Variants in REC114 observed in about 807,000 individuals in gnomAD.
The protein encoded by REC114 is REC114 meiotic recombination protein.
Under a neutral mutation model 31.3 loss-of-function variants are expected in REC114, and 27 were observed. That is an observed-to-expected ratio of 0.86 (90% CI 0.64 to 1.19). REC114 has a LOEUF of 1.19. REC114 is among the 50% of genes most tolerant of loss of function. REC114 has a pLI of 0.00. For missense variants in REC114, 344 were observed against 326.9 expected, an observed-to-expected ratio of 1.05 and a Z score of -0.40; for synonymous variants, 134 against 127.7, an observed-to-expected ratio of 1.05 and a Z score of -0.33.
intron 2 of REC114, among the ~76,000 whole-genome samples, chr15:73,539,074 C>T (rs1401729965): frequency 2.1e-5 from 3 of 143,216 alleles, no homozygotes; most frequent in Non-Finnish European, 4.6e-5. Flanking sequence ...TTTGCACTCC[C>T]ACCAGCAATG....
intron 1 of REC114, among the ~76,000 whole-genome samples, chr15:73,448,535 C>G (rs931117267): frequency 6.6e-6 from 1 of 152,170 alleles, no homozygotes; most frequent in Non-Finnish European, 1.5e-5. Context: ...CTCCCTGGGA[C>G]AGAGCACCTG....
chr15:73,515,498 C>T (rs1032153198), intron 2 of REC114, among the ~76,000 whole-genome samples: 15 of 152,030 alleles, frequency 9.9e-5, no homozygotes, highest in African/African-American at 3.6e-4. Flanking sequence ...GTGTCTCTGC[C>T]CATATTCATA....
At chr15:73,504,361 T>G (rs901727299) in intron 2 of REC114, among the ~76,000 whole-genome samples, 1 of 152,174 alleles carries the variant, frequency 6.6e-6, no homozygotes, top group African/African-American at 2.4e-5. Context: ...GGAATTTATC[T>G]TTTTGTATAG....
intron 1 of REC114, among the ~76,000 whole-genome samples, chr15:73,468,252 A>G (rs1167251743): frequency 1.3e-5 from 2 of 152,126 alleles, no homozygotes; most frequent in Non-Finnish European, 2.9e-5. Flanking sequence ...ATTTCTCTCC[A>G]TATATTTAAG....
At chr15:73,547,035 T>C (rs1894318636) in intron 3 of REC114, among the ~76,000 whole-genome samples, 1 of 152,020 alleles carries the variant, frequency 6.6e-6, no homozygotes, top group African/African-American at 2.4e-5. Context: ...CCCACAAGTG[T>C]AGACAACCAA....
At chr15:73,459,974 G>A (rs1458101598) in intron 1 of REC114, among the ~76,000 whole-genome samples, 1 of 152,030 alleles carries the variant, frequency 6.6e-6, no homozygotes, top group East Asian at 1.9e-4. Context: ...TTTTCTTTTG[G>A]TTATGTTTAA....
intron 2 of REC114, among the ~76,000 whole-genome samples, chr15:73,502,764 A>G (rs1893620300): frequency 6.6e-6 from 1 of 152,202 alleles, no homozygotes; most frequent in Non-Finnish European, 1.5e-5. Context: ...AGTAAGTTTT[A>G]GTGCTAAAAT....
intron 3 of REC114, among the ~76,000 whole-genome samples, chr15:73,547,879 G>A (rs1894331853): frequency 6.6e-6 from 1 of 152,130 alleles, no homozygotes; most frequent in South Asian, 2.1e-4. Context: ...AAGATTTCGT[G>A]ACAAAGATGC....
At chr15:73,472,180 C>G (rs1274158744) in intron 1 of REC114, among the ~76,000 whole-genome samples, 2 of 152,112 alleles carry the variant, frequency 1.3e-5, no homozygotes, top group Non-Finnish European at 2.9e-5. Context: ...ATTCATTGAC[C>G]AGACTGTAGT....
At position 73,559,630 on chromosome 15, in the gene REC114, A is replaced by C. The variant is rs79100571; in HGVS notation, c.637-122A>C. The stretch of plus-strand genomic sequence containing the variant: ...GTAAAGGAAGCCTGTAAAGCTAATT[A>C]ACACTAATTTTTTTGGTGTGTATTT... On this transcript the variant is annotated intron_variant, in intron 5 of 5. Coordinates refer to ENST00000331090, the MANE Select transcript of REC114 (RefSeq NM_001042367.2). 8.4e-3 allele frequency: 6,727 copies of C among 796,302 alleles called. 359 individuals are homozygous for C. The African/African-American group carries it at 0.1, about 12-fold the overall frequency. The allele number at this position is 796,302 out of a possible 1,614,324, so 49.3% of individuals were successfully genotyped here.
At chr15:73,547,150 T>A (rs548644702) in intron 3 of REC114, among the ~76,000 whole-genome samples, 31 of 152,218 alleles carry the variant, frequency 2.0e-4, no homozygotes, top group African/African-American at 6.3e-4. Context: ...ACTACCCATA[T>A]AACAAGGGAT....
intron 2 of REC114, among the ~76,000 whole-genome samples, chr15:73,494,294 C>T (rs950384603): frequency 2.0e-5 from 3 of 152,020 alleles, no homozygotes; most frequent in South Asian, 2.1e-4. Context: ...GCCGAGATCT[C>T]GCTACTGCAC....
intron 2 of REC114, among the ~76,000 whole-genome samples, chr15:73,481,922 G>A (rs1433269439): frequency 6.6e-6 from 1 of 152,008 alleles, no homozygotes; most frequent in East Asian, 1.9e-4. Context: ...GCCTCCCAAA[G>A]TGCTGGGATT....
chr15:73,462,055 C>T (rs1892997277), intron 1 of REC114, among the ~76,000 whole-genome samples: 1 of 150,962 alleles, frequency 6.6e-6, no homozygotes, highest in Non-Finnish European at 1.5e-5. Flanking sequence ...CCTCGGCCTC[C>T]TTAGTAGCTG....
intron 3 of REC114, among the ~76,000 whole-genome samples, chr15:73,545,308 G>T (rs1317585010): frequency 6.6e-6 from 1 of 152,122 alleles, no homozygotes; most frequent in Non-Finnish European, 1.5e-5. Flanking sequence ...GTGATTGTTG[G>T]TATACTTGAG....
chr15:73,557,901 ATTATG>A (rs1436652530), intron 5 of REC114, among the ~76,000 whole-genome samples: 3 of 152,240 alleles, frequency 2.0e-5, no homozygotes, highest in Non-Finnish European at 2.9e-5. Flanking sequence ...CAAATTTAAT[ATTATG>A]TTAGCTATAA....
intron 2 of REC114, among the ~76,000 whole-genome samples, chr15:73,532,660 C>A (rs535569346): frequency 6.6e-6 from 1 of 152,102 alleles, no homozygotes; most frequent in Admixed American, 6.6e-5. Context: ...GGCAGGCCAA[C>A]GTTCAGATTC....
intron 4 of REC114, among the ~76,000 whole-genome samples, chr15:73,551,376 G>T (rs1197699387): frequency 6.6e-6 from 1 of 152,196 alleles, no homozygotes; most frequent in Non-Finnish European, 1.5e-5. Context: ...CAGAACAGTG[G>T]TTCTCAAAGT....
chr15:73,556,527 A>ACGGGCCATTTTCATCTACC (rs1894470967), intron 5 of REC114, 136 bp downstream of exon 5: 1 of 734,942 alleles, frequency 1.4e-6, no homozygotes, highest in Non-Finnish European at 2.2e-6. Context: ...AGAGACAGAG[A>ACGGGCCATTTTCATCTACC]CGGGCCATTT....
Sources: gnomAD v4.1 joint callset for allele counts (sites outside exome capture counted in the v4.1 genomes callset) on GRCh38, gnomAD v4.1.1 for gene constraint, MANE v1.5 for transcripts, NCBI Gene and HGNC (gene_info 2026-07-23, HGNC 2026-07-21) for gene names.